The following RALGPS1 variants were observed in gnomAD, a reference collection of about 807,000 sequenced individuals.
The protein encoded by RALGPS1 is ras-specific guanine nucleotide-releasing factor RalGPS1.
A neutral mutation model predicts 78.8 loss-of-function variants in RALGPS1; 19 were observed. That is an observed-to-expected ratio of 0.24 (90% CI 0.17 to 0.35). The LOEUF is 0.35. Ranked by LOEUF, RALGPS1 falls within the 10% of genes least tolerant of loss-of-function variation. RALGPS1 has a pLI of 1.00. For missense variants in RALGPS1, 454 were observed against 688.3 expected (o/e 0.66, Z 3.81); for synonymous variants, 228 against 256.3 (o/e 0.89, Z 1.06).
At chr9:126,923,027 C>G (rs1055805464) in intron 1 of RALGPS1, among the ~76,000 whole-genome samples, 3 of 152,200 alleles carry the variant, frequency 2.0e-5, no homozygotes, top group African/African-American at 7.2e-5. Flanking sequence ...CCAGCAGGTC[C>G]TCAGTGCCTA....
chr9:127,014,436 A>G (rs556689710), intron 4 of RALGPS1, among the ~76,000 whole-genome samples: 13 of 152,292 alleles, frequency 8.5e-5, no homozygotes, highest in Non-Finnish European at 1.0e-4. Flanking sequence ...CTGCGTAGCC[A>G]TTGCTGGAAT....
chr9:127,178,371 A>G (rs1282638064), intron 11 of RALGPS1: 2 of 759,690 alleles, frequency 2.6e-6, no homozygotes, highest in African/African-American at 1.8e-5. Flanking sequence ...TACTCAGCAT[A>G]CTGCCAAGCC....
At chr9:127,051,145 C>T (rs562757181) in intron 6 of RALGPS1, among the ~76,000 whole-genome samples, 1 of 152,348 alleles carries the variant, frequency 6.6e-6, no homozygotes, top group East Asian at 1.9e-4. Context: ...GCCACATTTA[C>T]TTCCTATGCA....
rs530851693 is a variant in RALGPS1, at chr9:127,020,800, G to A, written c.217-13631G>A. Among the ~76,000 whole-genome samples the A allele has an allele frequency of 2.6e-5, 4 of 152,336 alleles. No individual in the cohort carries two copies. The South Asian group carries it at 8.3e-4, about 32-fold the overall frequency. On this transcript the variant is annotated intron_variant, in intron 4 of 18. Coordinates refer to ENST00000259351, the MANE Select transcript of RALGPS1 (RefSeq NM_014636.3). ...AGGGTCCAGGCTCCAGAGGCAACAG[G>A]CCTAGGTTTAGTCCTGGCTCTCATA... is the stretch of plus-strand genomic sequence containing the variant.
rs2061855617 is a variant in RALGPS1 at position 127,205,017 on chromosome 9, T to C, written c.1247+5951T>C. On this transcript the variant is annotated intron_variant, in intron 14 of 18. Coordinates refer to ENST00000259351, the MANE Select transcript of RALGPS1 (RefSeq NM_014636.3). The surrounding 1 kb of genome is among the most constrained non-coding windows in gnomAD (Gnocchi z 4.0). ...GCTGCAGCAGACATGCCAGTGGCCA[T>C]TCTCAGGGTGACTACCGCAGAGGAC... 1.3e-5 allele frequency among the ~76,000 whole-genome samples: 2 copies of C among 152,148 alleles called. No homozygotes were observed.
intron 8 of RALGPS1, among the ~76,000 whole-genome samples, chr9:127,119,074 CAG>C (rs1432519951): frequency 6.7e-6 from 1 of 149,694 alleles, no homozygotes; most frequent in East Asian, 1.9e-4. Context: ...GAGCTGGGGA[CAG>C]AGTTTCCTGG....
intron 10 of RALGPS1, among the ~76,000 whole-genome samples, chr9:127,169,084 G>A (rs879628397): frequency 8.5e-5 from 13 of 152,342 alleles, no homozygotes; most frequent in South Asian, 2.1e-4. Context: ...CCCACATGGC[G>A]TGGATAATAT....
chr9:126,944,896 G>T (rs927755986), intron 1 of RALGPS1, among the ~76,000 whole-genome samples: 1 of 152,164 alleles, frequency 6.6e-6, no homozygotes. Context: ...TGTCCAGAAG[G>T]TATCAGCTGA....
In RALGPS1 at chr9:127,183,354, C is replaced by T. The variant is rs79570413; in HGVS notation, c.910+8572C>T. Among the ~76,000 whole-genome samples the T allele has an allele frequency of 1.4e-3, 208 of 152,298 alleles. 3 individuals are homozygous for T. In the East Asian group the frequency reaches 0.035, roughly 26 times the overall value. ...GCAGATGCAAACCTATTTTGGGGAC[C>T]CCTGCAGCCCCTTCCATGCCCCCCC... On this transcript the variant is annotated intron_variant, in intron 11 of 18. Coordinates refer to ENST00000259351, the MANE Select transcript of RALGPS1 (RefSeq NM_014636.3). This position sits in a 1 kb window ranked among gnomAD's most constrained non-coding sequence, Gnocchi z 4.0.
rs1291804945 is a variant in RALGPS1 at position 127,212,695 on chromosome 9, C to T, written c.1422C>T (p.Ser474=). The T allele has an allele frequency of 2.5e-6, 4 of 1,613,226 alleles. No individual in the cohort carries two copies. The highest frequency in any genetic ancestry group is 2.2e-5 in the East Asian group (1 of 44,884). Residue 474 remains serine, a synonymous_variant, in exon 16 of 19, where the codon TCC becomes TCT. Transcript: ENST00000259351. This position sits in a 1 kb window ranked among gnomAD's most constrained non-coding sequence, Gnocchi z 6.0. ...GSTLLYYGAK[S]LRGTDRKHYK... is the part of the protein sequence containing the mutation. ...CCCTCCTGTACTACGGAGCCAAGTC[C>T]TTGCGGGGCACAGACAGAAAACACG...
chr9:127,133,802 C>G (rs539922586), intron 8 of RALGPS1, among the ~76,000 whole-genome samples: 1 of 152,134 alleles, frequency 6.6e-6, no homozygotes, highest in Admixed American at 6.5e-5. Context: ...AGGGGCAAAT[C>G]CCAGCTGACA....
At chr9:126,945,046 C>T (rs987237182) in intron 1 of RALGPS1, among the ~76,000 whole-genome samples, 1 of 152,216 alleles carries the variant, frequency 6.6e-6, no homozygotes, top group Non-Finnish European at 1.5e-5. Context: ...ATGAGTCTTC[C>T]TGTCCACAGG....
At chr9:126,953,523 G>T (rs1403921629) in intron 1 of RALGPS1, among the ~76,000 whole-genome samples, 1 of 152,184 alleles carries the variant, frequency 6.6e-6, no homozygotes, top group Non-Finnish European at 1.5e-5. Flanking sequence ...CTACCTCCCT[G>T]TGTAGTAGAT....
intron 8 of RALGPS1, among the ~76,000 whole-genome samples, chr9:127,125,543 G>A (rs758504589): frequency 6.6e-6 from 1 of 152,176 alleles, no homozygotes; most frequent in African/African-American, 2.4e-5. Context: ...TGAAGCATTC[G>A]GCCCTGCGCC....
intron 3 of RALGPS1, among the ~76,000 whole-genome samples, chr9:126,968,050 T>A (rs2039707948): frequency 6.7e-6 from 1 of 150,330 alleles, no homozygotes; most frequent in African/African-American, 2.4e-5. Context: ...GTCGCCAGGC[T>A]GGAGTGCAGT....
chr9:126,952,715 G>A (rs12554919), intron 1 of RALGPS1, among the ~76,000 whole-genome samples: 26,307 of 151,560 alleles, frequency 0.17, 3,020 homozygotes, highest in East Asian at 0.44. Context: ...ATGTGCATGC[G>A]TGCATGTGCC....
intron 8 of RALGPS1, among the ~76,000 whole-genome samples, chr9:127,162,185 T>C (rs2059060058): frequency 6.6e-6 from 1 of 152,230 alleles, no homozygotes; most frequent in South Asian, 2.1e-4. Context: ...CAGTTCTAGA[T>C]GCTGGAGATT....
chr9:127,202,840 G>A (rs1487397794), intron 14 of RALGPS1, among the ~76,000 whole-genome samples: 1 of 152,150 alleles, frequency 6.6e-6, no homozygotes, highest in Non-Finnish European at 1.5e-5. Context: ...GGGGAGAGTA[G>A]GGGCGAGGAG....
intron 1 of RALGPS1, among the ~76,000 whole-genome samples, chr9:126,918,369 C>T (rs1361799032): frequency 6.6e-6 from 1 of 152,158 alleles, no homozygotes; most frequent in Admixed American, 6.5e-5. Flanking sequence ...CAGGGTCTCC[C>T]TCTGTTAGCC....
Sources: allele counts gnomAD v4.1 joint callset (sites outside exome capture counted in the v4.1 genomes callset), GRCh38; gene constraint gnomAD v4.1.1; non-coding constraint Gnocchi (gnomAD v3.1); transcripts MANE v1.5; gene names NCBI Gene and HGNC (gene_info 2026-07-23, HGNC 2026-07-21).